GALNS: variants seen among roughly 807,000 people sequenced by gnomAD.
GALNS encodes N-acetylgalactosamine-6-sulfatase.
Under a neutral mutation model 65.9 loss-of-function variants are expected in GALNS, and 65 were observed. The ratio of observed to expected loss-of-function variants is 0.99; its 90% confidence interval spans 0.81 to 1.21. The LOEUF (loss-of-function observed/expected upper bound fraction) is 1.21, where lower values mean the gene tolerates loss of function less well. GALNS is among the 50% of genes most tolerant of loss of function. The probability of loss-of-function intolerance (pLI) is 0.00; values close to 1 mark genes in which losing one functional copy is unlikely to be tolerated. For missense variants in GALNS, 776 were observed against 700.7 expected, an observed-to-expected ratio of 1.11 and a Z score of -1.21; for synonymous variants, 346 against 288.9, an observed-to-expected ratio of 1.20 and a Z score of -2.00.
chr16:88,843,204 T>A, intron 1 of GALNS: 2 of 1,330,172 alleles, frequency 1.5e-6, no homozygotes, highest in South Asian at 2.5e-5. Flanking sequence ...GTGCATCTAT[T>A]TTCAACATAA....
Position 88,814,294 on chromosome 16 carries a change from G to A in GALNS, c.*145C>T, listed in dbSNP as rs539285988. 148 of 1,101,676 alleles carry A rather than the reference G, an allele frequency of 1.3e-4. No homozygotes were observed. In the East Asian group the frequency reaches 3.8e-3, roughly 28 times the overall value. 68.2% of individuals were successfully genotyped at this position (1,101,676 alleles called of 1,614,324 possible). On this transcript the variant is annotated 3_prime_UTR_variant, in exon 14 of 14. Transcript: ENST00000268695. The stretch of plus-strand genomic sequence containing the variant: ...GCCAGGGTCAGGTCCTGGGCAGGTG[G>A]AATTGTGCAGTCCCCCTGCGTCTGC...
chr16:88,832,928 A>T (rs946588682), intron 8 of GALNS, among the ~76,000 whole-genome samples: 4 of 151,634 alleles, frequency 2.6e-5, no homozygotes, highest in Non-Finnish European at 5.9e-5. Context: ...AAAATACAAA[A>T]ATTAGCTGGG....
chr16:88,822,690 C>T lies in GALNS; in HGVS notation c.1263G>A (p.Gly421=), dbSNP rs1365302379. Residue 421 remains glycine, a synonymous_variant, in exon 12 of 14, where the codon GGG becomes GGA. Transcript: ENST00000268695. ...GAGTTGTGACCCCTGAAACGTTCTG[C>T]CCAGGGCAGAAATCAATGCCCTGCA... ...NFRQGIDFCP[G]QNVSGVTTHN... is the part of the protein sequence containing the mutation. The T allele has an allele frequency of 6.2e-7, 1 of 1,612,838 alleles. No individual in the cohort carries two copies. The highest frequency in any genetic ancestry group is 8.5e-7 in the Non-Finnish European group (1 of 1,179,694).
intron 10 of GALNS, among the ~76,000 whole-genome samples, chr16:88,825,216 GCGCCTGGGTGT>G (rs2142994407): frequency 7.8e-6 from 1 of 127,720 alleles, no homozygotes; most frequent in Non-Finnish European, 1.6e-5. Flanking sequence ...GGTGTCTGGG[GCGCCTGGGTGT>G]CTGGGGCTGG....
intron 1 of GALNS, 34 bp from the exon 2 acceptor site, chr16:88,842,863 G>T: frequency 6.2e-7 from 1 of 1,609,916 alleles, no homozygotes; most frequent in Non-Finnish European, 8.5e-7. Flanking sequence ...AGGAATGAGC[G>T]CCTTCTGCAG....
chr16:88,823,161 G>T (rs967606659), intron 11 of GALNS, among the ~76,000 whole-genome samples: 2 of 152,090 alleles, frequency 1.3e-5, no homozygotes, highest in African/African-American at 4.8e-5. Context: ...GGAGGGGAGG[G>T]AAAGGGACGG....
intron 11 of GALNS, among the ~76,000 whole-genome samples, chr16:88,823,818 C>A (rs1910513853): frequency 6.8e-6 from 1 of 146,184 alleles, no homozygotes; most frequent in South Asian, 2.2e-4. Context: ...TCGCAGGCGG[C>A]AATGCCGGGG....
At chr16:88,816,374 G>C in intron 13 of GALNS, 3 of 985,422 alleles carry the variant, frequency 3.0e-6, no homozygotes, top group Non-Finnish European at 3.6e-6. Flanking sequence ...GTGGCCCTGG[G>C]CTCCTGGGGC....
chr16:88,838,304 C>T (rs1054110529), intron 4 of GALNS, among the ~76,000 whole-genome samples: 10 of 152,148 alleles, frequency 6.6e-5, no homozygotes, highest in Admixed American at 1.3e-4. Flanking sequence ...CGTTGTGTGC[C>T]GTGCGGGAGC....
intron 1 of GALNS, chr16:88,855,879 G>A: frequency 3.9e-6 from 2 of 510,312 alleles, no homozygotes; most frequent in East Asian, 3.5e-5. Flanking sequence ...GACACCGACG[G>A]CCCAAAACTG....
intron 7 of GALNS, 109 bp from the exon 8 acceptor site, chr16:88,835,461 C>CTGTGGTCTGTGAAGTT: frequency 1.4e-6 from 2 of 1,451,882 alleles, no homozygotes; most frequent in Non-Finnish European, 1.9e-6. Context: ...CATAACTTCA[C>CTGTGGTCTGTGAAGTT]AGACCACAGT....
intron 4 of GALNS, 87 bp from the exon 5 acceptor site, chr16:88,837,852 A>C: frequency 6.9e-7 from 1 of 1,449,048 alleles, no homozygotes; most frequent in Non-Finnish European, 9.7e-7. Flanking sequence ...CCTTCACAAA[A>C]TTCTTGGTAA....
intron 1 of GALNS, among the ~76,000 whole-genome samples, chr16:88,850,708 C>A (rs773738685): frequency 1.3e-5 from 2 of 152,212 alleles, no homozygotes; most frequent in African/African-American, 2.4e-5. Context: ...CCTCCCCAGG[C>A]GGAGCCACAC....
intron 2 of GALNS, 28 bp from the exon 3 acceptor site, chr16:88,841,999 T>G: frequency 6.3e-7 from 1 of 1,597,546 alleles, no homozygotes; most frequent in East Asian, 2.3e-5. Context: ...AAACAGAAAC[T>G]GGATAAGAAG....
chr16:88,841,928 G>A lies in GALNS; in HGVS notation c.288C>T (p.Gly96=), dbSNP rs1212353922. 1.9e-6 allele frequency: 3 copies of A among 1,613,678 alleles called. No homozygotes were observed. The highest frequency in any genetic ancestry group is 2.5e-6 in the Non-Finnish European group (3 of 1,179,846). The stretch of plus-strand genomic sequence containing the variant: ...TGGCATGGGCGTTGGTGGTGTAGAA[G>A]CCATTGCGGATGGGTAGCCGTCCTG... ...LLTGRLPIRN[G]FYTTNAHARN... The change falls in exon 3 of 14, where the codon GGC becomes GGT. Residue 96 remains glycine (G), a synonymous_variant. Coordinates refer to ENST00000268695, the MANE Select transcript of GALNS (RefSeq NM_000512.5).
At chr16:88,856,012 G>C (rs1354372328) in intron 1 of GALNS, 1 of 602,538 alleles carries the variant, frequency 1.7e-6, no homozygotes, top group Non-Finnish European at 3.0e-6. Context: ...GGAGACAGTA[G>C]GGTTTCAACC....
chr16:88,849,523 T>G (rs1967409351), intron 1 of GALNS, among the ~76,000 whole-genome samples: 1 of 152,088 alleles, frequency 6.6e-6, no homozygotes, highest in South Asian at 2.1e-4. Flanking sequence ...TGACCTCAGG[T>G]GATCCACCTG....
intron 1 of GALNS, among the ~76,000 whole-genome samples, chr16:88,849,141 G>T (rs1309672460): frequency 2.0e-5 from 3 of 152,124 alleles, no homozygotes; most frequent in Non-Finnish European, 2.9e-5. Flanking sequence ...TTGAGACAGG[G>T]TCTCACTCTG....
At chr16:88,853,606 G>A (rs1000174044) in intron 1 of GALNS, among the ~76,000 whole-genome samples, 8 of 152,186 alleles carry the variant, frequency 5.3e-5, no homozygotes, top group Admixed American at 3.9e-4. Flanking sequence ...AGTGCTGCTC[G>A]CCCTGGGAGG....
Sources: allele counts gnomAD v4.1 joint callset (sites outside exome capture counted in the v4.1 genomes callset), GRCh38; gene constraint gnomAD v4.1.1; transcripts MANE v1.5; gene names NCBI Gene and HGNC (gene_info 2026-07-23, HGNC 2026-07-21).